Variants in PITPNC1 observed in about 807,000 individuals in gnomAD.
PITPNC1 encodes the protein cytoplasmic phosphatidylinositol transfer protein 1.
A neutral mutation model predicts 44.7 loss-of-function variants in PITPNC1; 18 were observed. The observed-to-expected ratio is 0.40, with a 90% CI of 0.28 to 0.60. The LOEUF is 0.60. Among genes scored for constraint, PITPNC1 ranks in the 20% least tolerant of loss-of-function variants. PITPNC1 has a pLI of 0.39. For synonymous variants in PITPNC1, 141 were observed against 149.6 expected (o/e 0.94, Z 0.42); for missense variants, 290 against 418.4 (o/e 0.69, Z 2.68).
chr17:67,513,027 G>A (rs1009723779), intron 1 of PITPNC1, among the ~76,000 whole-genome samples: 23 of 151,836 alleles, frequency 1.5e-4, no homozygotes, highest in African/African-American at 5.6e-4. Flanking sequence ...ACAACATAAT[G>A]GGATGCACAC....
chr17:67,685,462 G>A (rs1319286518), intron 8 of PITPNC1, among the ~76,000 whole-genome samples: 1 of 152,180 alleles, frequency 6.6e-6, no homozygotes, highest in African/African-American at 2.4e-5. Flanking sequence ...GAAATGAAGA[G>A]GATCTCACAT....
At chr17:67,427,713 T>G (rs559932014) in intron 1 of PITPNC1, among the ~76,000 whole-genome samples, 1 of 152,326 alleles carries the variant, frequency 6.6e-6, no homozygotes, top group South Asian at 2.1e-4. Flanking sequence ...AAACCATATT[T>G]AACAAGTAGA....
chr17:67,430,593 G>A (rs1285941372), intron 1 of PITPNC1, among the ~76,000 whole-genome samples: 2 of 152,134 alleles, frequency 1.3e-5, no homozygotes, highest in African/African-American at 4.8e-5. Flanking sequence ...GGAAGCGGGA[G>A]GATTGCTTGA....
chr17:67,460,265 A>C (rs1011933563), intron 1 of PITPNC1, among the ~76,000 whole-genome samples: 5 of 152,306 alleles, frequency 3.3e-5, no homozygotes, highest in African/African-American at 7.2e-5. Context: ...TTAAGGCATC[A>C]GGGTGTTCTC....
intron 4 of PITPNC1, among the ~76,000 whole-genome samples, chr17:67,561,005 T>C (rs2040899691): frequency 6.6e-6 from 1 of 152,200 alleles, no homozygotes; most frequent in African/African-American, 2.4e-5. Context: ...AAATTTGATT[T>C]CCCTTCTGCA....
chr17:67,599,026 ATATATATATTTT>A lies in PITPNC1; in HGVS notation c.366+20771_366+20782del, dbSNP rs1348258425. Among the ~76,000 whole-genome samples the A allele has an allele frequency of 2.2e-3, 72 of 32,442 alleles. 1 individual carries two copies. Among genetic ancestry groups the A allele is most frequent in the East Asian group, 5.9e-3 (9 of 1,526 alleles). The allele number at this position is 32,442 out of a possible 152,430, so 21.3% of individuals were successfully genotyped here. A position where few individuals can be genotyped will look rare whatever the true frequency, so the allele number is the denominator to read the frequency against. On this transcript the variant is annotated intron_variant, in intron 5 of 8. Coordinates refer to ENST00000581322, the MANE Select transcript of PITPNC1 (RefSeq NM_012417.4). Reference sequence around the variant, plus strand: ...CATATATATATATATATATATATATATATATATATTTTTTTTTTTTTTTTTTTTACCATGTTG... The same window carrying A: ...CATATATATATATATATATATATATATTTTTTTTTTTTTTTTACCATGTTG...
At chr17:67,629,029 A>G (rs1335868455) in intron 5 of PITPNC1, among the ~76,000 whole-genome samples, 1 of 152,160 alleles carries the variant, frequency 6.6e-6, no homozygotes, top group East Asian at 1.9e-4. Context: ...AGCTAAGGCA[A>G]TACTATGAAA....
chr17:67,394,921 A>G (rs956992483), intron 1 of PITPNC1, among the ~76,000 whole-genome samples: 1 of 151,632 alleles, frequency 6.6e-6, no homozygotes, highest in Admixed American at 6.6e-5. Flanking sequence ...GGTTGCCAGG[A>G]GCAGTGGCTC....
intron 1 of PITPNC1, among the ~76,000 whole-genome samples, chr17:67,404,731 T>C (rs1376158637): frequency 6.6e-6 from 1 of 152,266 alleles, no homozygotes; most frequent in Non-Finnish European, 1.5e-5. Flanking sequence ...CTTAAACTAG[T>C]AGCTGCTGCT....
intron 1 of PITPNC1, among the ~76,000 whole-genome samples, chr17:67,483,384 T>C (rs1382161872): frequency 6.6e-6 from 1 of 152,236 alleles, no homozygotes; most frequent in Non-Finnish European, 1.5e-5. Context: ...GAAGTTTTAA[T>C]TTGTTTTTAT....
intron 5 of PITPNC1, among the ~76,000 whole-genome samples, chr17:67,601,709 T>C (rs1202199217): frequency 2.0e-5 from 3 of 152,034 alleles, no homozygotes; most frequent in Non-Finnish European, 4.4e-5. Flanking sequence ...GAGCCATGAT[T>C]GCGCCACTGC....
chr17:67,453,988 G>A (rs1206780996), intron 1 of PITPNC1, among the ~76,000 whole-genome samples: 1 of 152,136 alleles, frequency 6.6e-6, no homozygotes, highest in African/African-American at 2.4e-5. Context: ...GGTGGCTCAC[G>A]TCGGTAATCG....
chr17:67,382,653 C>T (rs2037980126), intron 1 of PITPNC1, among the ~76,000 whole-genome samples: 1 of 152,136 alleles, frequency 6.6e-6, no homozygotes, highest in African/African-American at 2.4e-5. Flanking sequence ...GCCACACTCT[C>T]TCGCTCTGTC....
At chr17:67,627,347 ACCC>A (rs2041908540) in intron 5 of PITPNC1, among the ~76,000 whole-genome samples, 1 of 152,236 alleles carries the variant, frequency 6.6e-6, no homozygotes, top group Non-Finnish European at 1.5e-5. Flanking sequence ...GATGGTGGGT[ACCC>A]CACCCTGAAA....
chr17:67,607,274 C>G (rs2041619907), intron 5 of PITPNC1, among the ~76,000 whole-genome samples: 1 of 152,202 alleles, frequency 6.6e-6, no homozygotes, highest in Admixed American at 6.5e-5. Flanking sequence ...CTTCTGAAAT[C>G]TCAGCTTTCA....
At chr17:67,573,556 C>CTTTTTTT (rs35434515) in intron 4 of PITPNC1, among the ~76,000 whole-genome samples, 1 of 84,052 alleles carries the variant, frequency 1.2e-5, no homozygotes, top group Non-Finnish European at 2.2e-5. Context: ...ACTGAATACT[C>CTTTTTTT]TTTTTTTTTT....
chr17:67,563,990 A>C (rs2040939782), intron 4 of PITPNC1, among the ~76,000 whole-genome samples: 1 of 152,066 alleles, frequency 6.6e-6, no homozygotes, highest in South Asian at 2.1e-4. Flanking sequence ...AGAGAGATGG[A>C]TAGATAGATT....
intron 1 of PITPNC1, among the ~76,000 whole-genome samples, chr17:67,481,667 TA>T (rs1299805850): frequency 2.0e-5 from 3 of 151,054 alleles, no homozygotes; most frequent in African/African-American, 7.3e-5. Flanking sequence ...AAAATAAAAA[TA>T]AAAATAAATT....
intron 1 of PITPNC1, among the ~76,000 whole-genome samples, chr17:67,438,700 A>C (rs1164163986): frequency 6.6e-6 from 1 of 152,176 alleles, no homozygotes; most frequent in African/African-American, 2.4e-5. Flanking sequence ...CTCAGAAGTA[A>C]CTTTTCCTTC....
Sources: gnomAD v4.1 joint callset for allele counts (sites outside exome capture counted in the v4.1 genomes callset) on GRCh38, gnomAD v4.1.1 for gene constraint, MANE v1.5 for transcripts, NCBI Gene and HGNC (gene_info 2026-07-23, HGNC 2026-07-21) for gene names.